The following TTC7B variants were observed in gnomAD, a reference collection of about 807,000 sequenced individuals.
TTC7B encodes the protein tetratricopeptide repeat protein 7B.
TTC7B carries 28 observed loss-of-function variants against 106.8 expected under a neutral mutation model. The observed-to-expected ratio is 0.26, with a 90% CI of 0.19 to 0.36. TTC7B has a LOEUF of 0.36. Among genes scored for constraint, TTC7B ranks in the 10% least tolerant of loss-of-function variants. TTC7B has a pLI of 1.00. For synonymous variants in TTC7B, 405 were observed against 430.6 expected (o/e 0.94, Z 0.74); for missense variants, 862 against 1,076.4 (o/e 0.80, Z 2.79).
intron 1 of TTC7B, among the ~76,000 whole-genome samples, chr14:90,812,332 G>A (rs2030941120): frequency 6.6e-6 from 1 of 152,112 alleles, no homozygotes; most frequent in African/African-American, 2.4e-5. Flanking sequence ...AGGACAGCTG[G>A]GCCTGTCCTC....
At chr14:90,572,964 C>T (rs1253430777) in intron 19 of TTC7B, among the ~76,000 whole-genome samples, 17 of 152,096 alleles carry the variant, frequency 1.1e-4, no homozygotes, top group Non-Finnish European at 2.9e-5. Context: ...CACCGCCCGT[C>T]TCTCCTCCCC....
intron 1 of TTC7B, among the ~76,000 whole-genome samples, chr14:90,798,709 CAAAAAAAAA>C (rs36223089): frequency 7.6e-5 from 4 of 52,290 alleles, no homozygotes; most frequent in African/African-American, 2.4e-4. Context: ...GACTCCATCT[CAAAAAAAAA>C]AAAAAAAAAA....
intron 19 of TTC7B, among the ~76,000 whole-genome samples, chr14:90,544,464 T>C (rs971875432): frequency 3.9e-5 from 6 of 152,102 alleles, no homozygotes; most frequent in Non-Finnish European, 8.8e-5. Context: ...CAGCTGCGGG[T>C]GGCAAATAAT....
chr14:90,801,745 GT>G (rs374338522), intron 1 of TTC7B, among the ~76,000 whole-genome samples: 14 of 152,270 alleles, frequency 9.2e-5, no homozygotes, highest in African/African-American at 3.4e-4. Flanking sequence ...GGAAAGAGGG[GT>G]ATTTGAGTGC....
In TTC7B at chr14:90,657,155, G is replaced by C; in HGVS notation, c.1341+19C>G. Reference sequence around the variant, plus strand: ...CCAGAGTCCTCTGCAGGAGCGGGGAGGGGGGCGCCCCTACTCACCCAGTGC... The same window carrying C: ...CCAGAGTCCTCTGCAGGAGCGGGGACGGGGGCGCCCCTACTCACCCAGTGC... On this transcript the variant is annotated intron_variant, in intron 11 of 19. Coordinates refer to ENST00000328459, the MANE Select transcript of TTC7B (RefSeq NM_001010854.2). The surrounding 1 kb of genome is among the most constrained non-coding windows in gnomAD (Gnocchi z 4.2). 1 of 1,603,048 alleles carries C rather than the reference G, an allele frequency of 6.2e-7. No individual in the cohort carries two copies. The highest frequency in any genetic ancestry group is 8.5e-7 in the Non-Finnish European group (1 of 1,170,994).
intron 13 of TTC7B, among the ~76,000 whole-genome samples, chr14:90,649,951 C>T (rs1284177276): frequency 6.6e-6 from 1 of 151,996 alleles, no homozygotes; most frequent in Non-Finnish European, 1.5e-5. Flanking sequence ...CCATCATCAT[C>T]GTGCAGTGGG....
In TTC7B at chr14:90,658,533, C is replaced by T. The variant is rs561676817; in HGVS notation, c.1153-146G>A. The T allele has an allele frequency of 6.9e-5, 52 of 748,492 alleles. 1 individual carries two copies. Among genetic ancestry groups the T allele is most frequent in the East Asian group, 5.6e-4 (21 of 37,732 alleles). The allele number at this position is 748,492 out of a possible 1,614,324, so 46.4% of individuals were successfully genotyped here. A position where few individuals can be genotyped will look rare whatever the true frequency, so the allele number is the denominator to read the frequency against. On this transcript the variant is annotated intron_variant, in intron 9 of 19. Coordinates refer to ENST00000328459, the MANE Select transcript of TTC7B (RefSeq NM_001010854.2). Reference sequence around the variant, plus strand: ...GCTTAAAACATAATCCACCACCAAACGGCTCCTACGGAGTCCCCACACAGG... The same window carrying T: ...GCTTAAAACATAATCCACCACCAAATGGCTCCTACGGAGTCCCCACACAGG...
Position 90,657,074 on chromosome 14 carries a change from G to C in TTC7B, c.1341+100C>G, listed in dbSNP as rs1885977688. The C allele has an allele frequency of 9.6e-7, 1 of 1,039,574 alleles. No homozygotes were observed. Among genetic ancestry groups the C allele is most frequent in the Admixed American group, 2.0e-5 (1 of 48,802 alleles). 64.4% of individuals were successfully genotyped at this position (1,039,574 alleles called of 1,614,324 possible). On this transcript the variant is annotated intron_variant, in intron 11 of 19. Transcript: ENST00000328459. This position sits in a 1 kb window ranked among gnomAD's most constrained non-coding sequence, Gnocchi z 4.2. ...ACAGTCTTGTCTTTGTACAGCTGAT[G>C]AATCACCCTCGCTTTCTCTCTGTGC...
intron 3 of TTC7B, among the ~76,000 whole-genome samples, chr14:90,752,166 T>C (rs954565716): frequency 6.6e-6 from 1 of 152,190 alleles, no homozygotes. Context: ...TCTATGTAGA[T>C]GTAACTAACA....
intron 9 of TTC7B, among the ~76,000 whole-genome samples, chr14:90,669,789 T>A (rs1249006993): frequency 6.6e-6 from 1 of 152,180 alleles, no homozygotes; most frequent in Non-Finnish European, 1.5e-5. Context: ...CAAGTGCTGG[T>A]GAAGAAGTGG....
At chr14:90,740,463 A>C (rs1317928786) in intron 4 of TTC7B, among the ~76,000 whole-genome samples, 1 of 144,724 alleles carries the variant, frequency 6.9e-6, no homozygotes, top group Non-Finnish European at 1.5e-5. Context: ...CGAAAAAGTT[A>C]CTGCATAAAC....
intron 9 of TTC7B, among the ~76,000 whole-genome samples, chr14:90,664,423 C>G (rs571011954): frequency 1.3e-5 from 2 of 152,092 alleles, no homozygotes; most frequent in African/African-American, 4.8e-5. Context: ...GTGCCCGCCA[C>G]CAGGCCCAGC....
At chr14:90,566,271 G>A (rs554043005) in intron 19 of TTC7B, among the ~76,000 whole-genome samples, 15 of 152,110 alleles carry the variant, frequency 9.9e-5, no homozygotes, top group Admixed American at 6.5e-5. Flanking sequence ...TTGAACCTGG[G>A]AGGCGGAGGT....
In TTC7B at chr14:90,600,526, C is replaced by T. The variant is rs1326506732; in HGVS notation, c.1967-6900G>A. Among the ~76,000 whole-genome samples the T allele has an allele frequency of 1.3e-5, 2 of 152,214 alleles. No homozygotes were observed. The highest frequency in any genetic ancestry group is 1.3e-4 in the Admixed American group (2 of 15,286). On this transcript the variant is annotated intron_variant, in intron 17 of 19. Transcript: ENST00000328459. The surrounding 1 kb of genome is among the most constrained non-coding windows in gnomAD (Gnocchi z 4.3). Reference sequence around the variant, plus strand: ...ACCAAGTGAAAAAAGGATTAAGACTCATAGCCCCAAGACGGGATCAGTTTC... The same window carrying T: ...ACCAAGTGAAAAAAGGATTAAGACTTATAGCCCCAAGACGGGATCAGTTTC...
At chr14:90,716,076 T>G (rs1397638228) in intron 5 of TTC7B, among the ~76,000 whole-genome samples, 1 of 152,198 alleles carries the variant, frequency 6.6e-6, no homozygotes, top group Non-Finnish European at 1.5e-5. Context: ...GAGGGACCAC[T>G]GCAACTGGGT....
intron 3 of TTC7B, among the ~76,000 whole-genome samples, chr14:90,754,695 C>G (rs925174723): frequency 6.6e-6 from 1 of 152,066 alleles, no homozygotes; most frequent in Non-Finnish European, 1.5e-5. Flanking sequence ...TTTTCATCAC[C>G]CCTTGAAAAG....
chr14:90,651,206 G>C (rs1238201035), intron 13 of TTC7B, among the ~76,000 whole-genome samples: 1 of 152,158 alleles, frequency 6.6e-6, no homozygotes, highest in Admixed American at 6.5e-5. Flanking sequence ...TGTTAGGACT[G>C]CAATTCACTA....
Position 90,657,405 on chromosome 14 carries a change from A to T in TTC7B, c.1237-127T>A. 1 of 793,196 alleles carries T rather than the reference A, an allele frequency of 1.3e-6. No individual in the cohort carries two copies. The highest frequency in any genetic ancestry group is 2.0e-6 in the Non-Finnish European group (1 of 501,076). The allele number at this position is 793,196 out of a possible 1,614,324, so 49.1% of individuals were successfully genotyped here. A position where few individuals can be genotyped will look rare whatever the true frequency, so the allele number is the denominator to read the frequency against. ...GGCTTGTCCAACTTTAAGCCCAAGC[A>T]AGCGGGGGCCTGAGGTGCATGAAAA... On this transcript the variant is annotated intron_variant, in intron 10 of 19. Transcript: ENST00000328459. This position sits in a 1 kb window ranked among gnomAD's most constrained non-coding sequence, Gnocchi z 4.2.
rs966898084 is a variant in TTC7B at position 90,654,976 on chromosome 14, G to A, written c.1459+17C>T. Reference sequence around the variant, plus strand: ...AGCCCTGCAGCTCAGCAGCTGTGGGGGTGGGACGTCTCTCACCGTCAGTGG... The same window carrying A: ...AGCCCTGCAGCTCAGCAGCTGTGGGAGTGGGACGTCTCTCACCGTCAGTGG... On this transcript the variant is annotated intron_variant, in intron 12 of 19. Transcript: ENST00000328459. 9.5e-6 allele frequency: 15 copies of A among 1,576,406 alleles called. No individual in the cohort carries two copies. The highest frequency in any genetic ancestry group is 1.7e-4 in the Middle Eastern group (1 of 5,980).
Sources: gnomAD v4.1 joint callset for allele counts (sites outside exome capture counted in the v4.1 genomes callset) on GRCh38, gnomAD v4.1.1 for gene constraint, Gnocchi (gnomAD v3.1) non-coding constraint, MANE v1.5 for transcripts, NCBI Gene and HGNC (gene_info 2026-07-23, HGNC 2026-07-21) for gene names.